Variants in NFS1 observed in about 807,000 individuals in gnomAD.
The protein encoded by NFS1 is cysteine desulfurase.
NFS1 carries 26 observed loss-of-function variants against 57.3 expected under a neutral mutation model. The observed-to-expected ratio is 0.45, with a 90% CI of 0.33 to 0.63. The LOEUF (loss-of-function observed/expected upper bound fraction) is 0.63. NFS1 is among the 20% of genes least tolerant of loss of function. The probability of loss-of-function intolerance (pLI) is 0.02; values close to 1 mark genes in which losing one functional copy is unlikely to be tolerated. For missense variants in NFS1, 505 were observed against 605.8 expected (o/e 0.83, Z 1.75); for synonymous variants, 209 against 216.3 (o/e 0.97, Z 0.30).
intron 7 of NFS1, among the ~76,000 whole-genome samples, chr20:35,678,644 A>G (rs981212527): frequency 2.0e-5 from 3 of 151,826 alleles, no homozygotes; most frequent in African/African-American, 4.8e-5. Flanking sequence ...CAGAGGTTGC[A>G]GCGAGCCGAG....
At chr20:35,688,271 C>T (rs550131988) in intron 5 of NFS1, among the ~76,000 whole-genome samples, 10 of 150,126 alleles carry the variant, frequency 6.7e-5, no homozygotes, top group African/African-American at 2.5e-4. Context: ...AAAATTTAGC[C>T]AGGCCAGCTG....
intron 2 of NFS1, 112 bp from the exon 3 acceptor site, chr20:35,697,912 T>G (rs986400885): frequency 1.5e-6 from 1 of 653,944 alleles, no homozygotes; most frequent in African/African-American, 1.8e-5. Context: ...CCTCAGGCAC[T>G]GCCTAGAGGA....
intron 12 of NFS1, among the ~76,000 whole-genome samples, chr20:35,671,780 C>T (rs1326296061): frequency 6.6e-6 from 1 of 151,452 alleles, no homozygotes; most frequent in Non-Finnish European, 1.5e-5. Context: ...GTACCAGCTA[C>T]TTGGGAGGCT....
chr20:35,674,921 C>A, intron 8 of NFS1, 124 bp downstream of exon 8: 1 of 1,338,138 alleles, frequency 7.5e-7, no homozygotes, highest in Non-Finnish European at 1.1e-6. Context: ...AGCACCAGGA[C>A]AAGGAAGAGT....
intron 5 of NFS1, among the ~76,000 whole-genome samples, chr20:35,686,211 C>T (rs1601529118): frequency 6.6e-6 from 1 of 151,426 alleles, no homozygotes. Flanking sequence ...TCAGGTGATC[C>T]GCCTCCCAAA....
chr20:35,690,056 G>A (rs576888630), intron 5 of NFS1, among the ~76,000 whole-genome samples: 28 of 151,960 alleles, frequency 1.8e-4, no homozygotes, highest in Admixed American at 9.9e-4. Flanking sequence ...CCGAGATCGC[G>A]CCACTGCATT....
chr20:35,693,630 C>A (rs762177301), intron 4 of NFS1, among the ~76,000 whole-genome samples: 3 of 152,036 alleles, frequency 2.0e-5, no homozygotes, highest in Non-Finnish European at 2.9e-5. Flanking sequence ...GAGTTCAAGA[C>A]CAGCCTGGGC....
chr20:35,680,948 T>C, intron 6 of NFS1, 77 bp from the exon 7 acceptor site: 1 of 1,154,314 alleles, frequency 8.7e-7, no homozygotes, highest in Non-Finnish European at 1.1e-6. Context: ...CACTGTGAAT[T>C]ATCTCCAATA....
intron 4 of NFS1, among the ~76,000 whole-genome samples, chr20:35,693,721 C>A (rs1013861758): frequency 3.3e-5 from 5 of 152,018 alleles, no homozygotes; most frequent in African/African-American, 7.2e-5. Context: ...ACCAGCACTT[C>A]GGTTGGCCAA....
intron 8 of NFS1, 196 bp from the exon 9 acceptor site, chr20:35,674,813 A>C: frequency 2.9e-6 from 2 of 683,202 alleles, no homozygotes; most frequent in Non-Finnish European, 4.9e-6. Flanking sequence ...AACTGGACAC[A>C]GGGTTCATTT....
rs767562334 is a variant in NFS1 at position 35,675,049 on chromosome 20, A to G, written c.944T>C (p.Met315Thr). 5 of 1,613,856 alleles carry G rather than the reference A, an allele frequency of 3.1e-6. No individual in the cohort carries two copies. In the Admixed American group the frequency reaches 6.7e-5, roughly 22 times the overall value. Reference protein sequence around the residue: ...GAACEVAQQEMEYDHKRISKL... With the variant: ...GAACEVAQQETEYDHKRISKL... ...AGGGAACTGCTCTCCCCATACCTCC[A>G]TCTCTTGCTGTGCCACCTCACACGC... Residue 315 changes from methionine to threonine, a missense_variant, in exon 8 of 13, where the codon ATG (methionine) becomes ACG (threonine). Transcript: ENST00000374092.
At chr20:35,685,402 G>C (rs1339313553) in intron 5 of NFS1, among the ~76,000 whole-genome samples, 1 of 150,738 alleles carries the variant, frequency 6.6e-6, no homozygotes, top group Non-Finnish European at 1.5e-5. Flanking sequence ...CACATCTCTA[G>C]TTCTAGCTGC....
At chr20:35,698,982 C>A in intron 1 of NFS1, 1 of 1,326,308 alleles carries the variant, frequency 7.5e-7, no homozygotes, top group Non-Finnish European at 9.6e-7. Context: ...CTCCACGGCT[C>A]TGGGGGCCTG....
chr20:35,694,104 C>G (rs911711324), intron 4 of NFS1, among the ~76,000 whole-genome samples: 14 of 151,808 alleles, frequency 9.2e-5, no homozygotes, highest in African/African-American at 3.4e-4. Context: ...TGTGATTGTG[C>G]AACTGCACCC....
intron 4 of NFS1, among the ~76,000 whole-genome samples, chr20:35,691,738 C>CAAAAAA (rs60402350): frequency 5.5e-5 from 1 of 18,158 alleles, no homozygotes; most frequent in Admixed American, 8.1e-4. Context: ...GACTGCATCT[C>CAAAAAA]AAAAAAAAAA....
chr20:35,691,254 GATTCATTCA>G (rs933909753), intron 4 of NFS1, among the ~76,000 whole-genome samples: 2 of 152,104 alleles, frequency 1.3e-5, no homozygotes, highest in African/African-American at 4.8e-5. Context: ...TGGAATTTAT[GATTCATTCA>G]TTTAACCAAT....
intron 11 of NFS1, 114 bp from the exon 12 acceptor site, chr20:35,672,958 T>C (rs73277231): frequency 4.5e-6 from 3 of 659,454 alleles, no homozygotes; most frequent in South Asian, 3.7e-5. Context: ...GAGAAGAACA[T>C]GGTCCTTCCC....
At position 35,680,941 on chromosome 20, in the gene NFS1, T is replaced by C. The variant is rs1469871975; in HGVS notation, c.656-70A>G. 2.3e-6 allele frequency: 3 copies of C among 1,277,366 alleles called. No homozygotes were observed. The East Asian group carries it at 8.4e-5, about 36-fold the overall frequency. The allele number at this position is 1,277,366 out of a possible 1,614,324, so 79.1% of individuals were successfully genotyped here. On this transcript the variant is annotated intron_variant, in intron 6 of 12. Coordinates refer to ENST00000374092, the MANE Select transcript of NFS1 (RefSeq NM_021100.5). The stretch of plus-strand genomic sequence containing the variant: ...CATCTGTCAGAGTCCCACAGTGCAC[T>C]GTGAATTATCTCCAATAGTAAATGA...
In NFS1 at chr20:35,697,600, T is replaced by A. The variant is rs73281027; in HGVS notation, c.324+84A>T. On this transcript the variant is annotated intron_variant, in intron 3 of 12. Coordinates refer to ENST00000374092, the MANE Select transcript of NFS1 (RefSeq NM_021100.5). ...GAATCCAAAACCATTTCTACCTCCA[T>A]GCACACCTACCAAGAAAGAAATGCC... 78,950 of 854,436 alleles carry A rather than the reference T, an allele frequency of 0.092. 4,481 individuals carry two copies. The highest frequency in any genetic ancestry group is 0.19 in the South Asian group (10,479 of 55,146). 52.9% of individuals were successfully genotyped at this position (854,436 alleles called of 1,614,324 possible). A position where few individuals can be genotyped will look rare whatever the true frequency, so the allele number is the denominator to read the frequency against.
Sources: allele counts gnomAD v4.1 joint callset (sites outside exome capture counted in the v4.1 genomes callset), GRCh38; gene constraint gnomAD v4.1.1; transcripts MANE v1.5; gene names NCBI Gene and HGNC (gene_info 2026-07-23, HGNC 2026-07-21).